The following SCAF8 variants were observed in gnomAD, a reference collection of about 807,000 sequenced individuals.
SCAF8 encodes SR-related CTD associated factor 8.
Under a neutral mutation model 140.5 loss-of-function variants are expected in SCAF8, and 23 were observed. The ratio of observed to expected loss-of-function variants is 0.16; its 90% CI spans 0.12 to 0.23. The LOEUF (loss-of-function observed/expected upper bound fraction) is 0.23, where lower values mean the gene tolerates loss of function less well. Ranked by LOEUF, SCAF8 falls within the 10% of genes least tolerant of loss-of-function variation. The pLI, the probability that SCAF8 is intolerant of heterozygous loss-of-function variation, is 1.00. For missense variants in SCAF8, 1,397 were observed against 1,555.7 expected, an observed-to-expected ratio of 0.90 and a Z score of 1.72; for synonymous variants, 575 against 528.9, an observed-to-expected ratio of 1.09 and a Z score of -1.20.
intron 3 of SCAF8, among the ~76,000 whole-genome samples, chr6:154,782,287 T>G (rs534737323): frequency 6.6e-6 from 1 of 152,274 alleles, no homozygotes; most frequent in Non-Finnish European, 1.5e-5. Context: ...CAAGTGCCCG[T>G]GTTCCCAGCT....
At chr6:154,774,922 A>AT (rs2114847569) in intron 2 of SCAF8, among the ~76,000 whole-genome samples, 1 of 152,298 alleles carries the variant, frequency 6.6e-6, no homozygotes, top group South Asian at 2.1e-4. Flanking sequence ...GATTCCCTGA[A>AT]TTAGTAGGCC....
intron 17 of SCAF8, chr6:154,824,794 T>C (rs1778516588): frequency 6.5e-6 from 1 of 154,024 alleles, no homozygotes. Context: ...AATACAAAAA[T>C]TAGCTAGACG....
intron 18 of SCAF8, among the ~76,000 whole-genome samples, chr6:154,828,762 AT>A (rs935985742): frequency 9.9e-5 from 15 of 152,274 alleles, no homozygotes; most frequent in African/African-American, 3.1e-4. Context: ...GAGTCTAGGA[AT>A]TTTTAGTGGA....
intron 14 of SCAF8, among the ~76,000 whole-genome samples, 195 bp downstream of exon 14, chr6:154,818,787 T>C (rs1272750222): frequency 1.3e-5 from 2 of 152,196 alleles, no homozygotes; most frequent in Non-Finnish European, 2.9e-5. Flanking sequence ...CGTTGAGTTA[T>C]AGAATTAGAT....
chr6:154,754,292 CTT>C (rs1778911748), intron 1 of SCAF8, among the ~76,000 whole-genome samples: 1 of 152,152 alleles, frequency 6.6e-6, no homozygotes, highest in Non-Finnish European at 1.5e-5. Flanking sequence ...GCTTTATAAT[CTT>C]TTGTTTTTAA....
At position 154,787,863 on chromosome 6, in the gene SCAF8, T is replaced by C; in HGVS notation, c.162T>C (p.Cys54=). The change falls in exon 4 of 20, where the codon TGT becomes TGC. Residue 54 remains cysteine, a splice_region_variant and synonymous_variant. Coordinates refer to ENST00000367178, the MANE Select transcript of SCAF8 (RefSeq NM_014892.5). ...TTCATTCTTCTTTTTTTCATCAGTG[T>C]AAACCAGAATACAAAGTACCTGGAC... ...VQSVEKFIQK[C]KPEYKVPGLY... is the part of the protein sequence containing the mutation. The C allele has an allele frequency of 6.2e-7, 1 of 1,608,192 alleles. No homozygotes were observed. The highest frequency in any genetic ancestry group is 8.5e-7 in the Non-Finnish European group (1 of 1,177,902).
chr6:154,785,139 A>G (rs755729757), intron 3 of SCAF8, among the ~76,000 whole-genome samples: 4 of 152,170 alleles, frequency 2.6e-5, no homozygotes, highest in Non-Finnish European at 2.9e-5. Flanking sequence ...CCTACTCAAC[A>G]TCATGTGTCT....
intron 10 of SCAF8, 66 bp downstream of exon 10, chr6:154,808,267 T>A (rs918615433): frequency 2.1e-6 from 3 of 1,446,584 alleles, no homozygotes; most frequent in Non-Finnish European, 2.9e-6. Context: ...TAAAATATTT[T>A]ATACTAGCAG....
chr6:154,817,189 A>G (rs574852204), intron 13 of SCAF8, among the ~76,000 whole-genome samples: 209 of 152,298 alleles, frequency 1.4e-3, no homozygotes, highest in African/African-American at 4.6e-3. Context: ...AAAATTAGGG[A>G]TGCCCATGCT....
rs1444675761 is a variant in SCAF8, at chr6:154,784,147, A to ATT, written c.160-3713_160-3712insTT. On this transcript the variant is annotated intron_variant, in intron 3 of 19. Coordinates refer to ENST00000367178, the MANE Select transcript of SCAF8 (RefSeq NM_014892.5). ...TATATATATATATATATATATATAT[A>ATT]TATATATATATTTATTTATTTATTT... Among the ~76,000 whole-genome samples the ATT allele has an allele frequency of 3.1e-5, 3 of 97,970 alleles. 1 individual carries two copies. The highest frequency in any genetic ancestry group is 1.3e-4 in the African/African-American group (3 of 22,982). 64.3% of individuals were successfully genotyped at this position (97,970 alleles called of 152,430 possible).
intron 1 of SCAF8, among the ~76,000 whole-genome samples, chr6:154,751,295 C>G (rs1480855067): frequency 6.6e-6 from 1 of 151,032 alleles, no homozygotes; most frequent in Non-Finnish European, 1.5e-5. Flanking sequence ...ATGGTGTGAT[C>G]TCCGCTCACT....
chr6:154,832,811 C>G lies in SCAF8; in HGVS notation c.3232C>G (p.His1078Asp), dbSNP rs777031188. 4 of 1,613,770 alleles carry G rather than the reference C, an allele frequency of 2.5e-6. No individual in the cohort carries two copies. Among genetic ancestry groups the G allele is most frequent in the Middle Eastern group, 1.6e-4 (1 of 6,082 alleles). Residue 1078 changes from histidine (H) to aspartate (D), a missense_variant, in exon 20 of 20, where the codon CAT becomes GAT. Physicochemically the swap from His to Asp is moderately conservative, Grantham distance 81. This residue lies in a region of SCAF8 where 930 missense variants were observed against 874.6 expected (regional missense o/e 1.06). Transcript: ENST00000367178. ...RENLVRPGIDHLGRRDHFGFN... is the reference protein window; with the variant it reads ...RENLVRPGIDDLGRRDHFGFN... ...GAATCTTGTGAGGCCAGGTATAGATCATCTTGGTCGAAGAGACCACTTTGG... is the reference window on the plus strand; with the variant it reads ...GAATCTTGTGAGGCCAGGTATAGATGATCTTGGTCGAAGAGACCACTTTGG...
intron 14 of SCAF8, 106 bp from the exon 15 acceptor site, chr6:154,820,071 C>T: frequency 2.3e-6 from 2 of 857,710 alleles, no homozygotes; most frequent in Non-Finnish European, 3.3e-6. Context: ...TTTCTAAAAC[C>T]AATTTTAATG....
At chr6:154,782,711 T>C (rs982833645) in intron 3 of SCAF8, among the ~76,000 whole-genome samples, 1 of 152,164 alleles carries the variant, frequency 6.6e-6, no homozygotes, top group African/African-American at 2.4e-5. Context: ...ACGGCCAGTC[T>C]GAGTCTCAAA....
chr6:154,832,433 A>T lies in SCAF8; in HGVS notation c.2854A>T (p.Ile952Phe), dbSNP rs911415085. Residue 952 changes from isoleucine to phenylalanine, a missense_variant, in exon 20 of 20, where the codon ATC (isoleucine) becomes TTC (phenylalanine). Ile to Phe is a conservative substitution (Grantham distance 21). This residue lies in a region of SCAF8 where 930 missense variants were observed against 874.6 expected (regional missense o/e 1.06). Coordinates refer to ENST00000367178, the MANE Select transcript of SCAF8 (RefSeq NM_014892.5). ...IQPGIPPQRGIPPPSVLDSAL... is the reference protein window; with the variant it reads ...IQPGIPPQRGFPPPSVLDSAL... ...GCCTGGAATTCCACCCCAACGGGGA[A>T]TCCCACCCCCATCGGTACTTGATTC... 1 of 1,613,990 alleles carries T rather than the reference A, an allele frequency of 6.2e-7. No individual in the cohort carries two copies. Among genetic ancestry groups the T allele is most frequent in the African/African-American group, 1.3e-5 (1 of 74,912 alleles).
intron 7 of SCAF8, 49 bp downstream of exon 7, chr6:154,802,196 T>G (rs1249877814): frequency 9.0e-7 from 1 of 1,113,740 alleles, no homozygotes; most frequent in African/African-American, 1.6e-5. Context: ...TTAAATATTA[T>G]ATACTATCAT....
chr6:154,824,415 A>C, intron 17 of SCAF8, 37 bp downstream of exon 17: 1 of 1,556,770 alleles, frequency 6.4e-7, no homozygotes, highest in Non-Finnish European at 8.8e-7. Flanking sequence ...AACTCTATTT[A>C]GATTATCATT....
chr6:154,806,992 T>C (rs1486438880), intron 9 of SCAF8, among the ~76,000 whole-genome samples: 2 of 152,234 alleles, frequency 1.3e-5, no homozygotes, highest in Non-Finnish European at 2.9e-5. Flanking sequence ...GTAGTCGTGA[T>C]GGAAGAATTT....
At chr6:154,755,540 T>C (rs929224518) in intron 1 of SCAF8, among the ~76,000 whole-genome samples, 2 of 152,162 alleles carry the variant, frequency 1.3e-5, no homozygotes, top group Non-Finnish European at 2.9e-5. Flanking sequence ...CCCAGATTAT[T>C]AGATTAATTT....
Sources: allele counts gnomAD v4.1 joint callset (sites outside exome capture counted in the v4.1 genomes callset), GRCh38; gene constraint gnomAD v4.1.1; regional missense constraint gnomAD v4.1.1; transcripts MANE v1.5; gene names NCBI Gene and HGNC (gene_info 2026-07-23, HGNC 2026-07-21).